The following BICD1 variants were observed in gnomAD, a reference collection of about 807,000 sequenced individuals.
BICD1 encodes the protein BICD cargo adaptor 1.
Under a neutral mutation model 92.5 loss-of-function variants are expected in BICD1, and 35 were observed. That is an observed-to-expected ratio of 0.38 (90% CI 0.29 to 0.50). BICD1 has a LOEUF of 0.50. Ranked by LOEUF, BICD1 falls within the 20% of genes least tolerant of loss-of-function variation. The pLI, the probability that BICD1 is intolerant of heterozygous loss-of-function variation, is 0.93. For synonymous variants in BICD1, 429 were observed against 465.1 expected, an observed-to-expected ratio of 0.92 and a Z score of 1.00; for missense variants, 950 against 1,189.8, an observed-to-expected ratio of 0.80 and a Z score of 2.97.
rs1940199255 is a variant in BICD1 at position 32,382,080 on chromosome 12, A to G, written c.*4453A>G. On this transcript the variant is annotated 3_prime_UTR_variant, in exon 10 of 10. Coordinates refer to ENST00000652176, the MANE Select transcript of BICD1 (RefSeq NM_001714.4). The stretch of plus-strand genomic sequence containing the variant: ...CGAGTGACATTTTCCATTGTCTGTA[A>G]TAATGCCCTCGGATGAGTTGTGTCT... The G allele has an allele frequency of 6.6e-6, 1 of 152,094 alleles. No homozygotes were observed. Among genetic ancestry groups the G allele is most frequent in the Non-Finnish European group, 1.5e-5 (1 of 67,966 alleles). 9.4% of individuals were successfully genotyped at this position (152,094 alleles called of 1,614,324 possible). A position where few individuals can be genotyped will look rare whatever the true frequency, so the allele number is the denominator to read the frequency against.
intron 1 of BICD1, among the ~76,000 whole-genome samples, chr12:32,155,054 G>A (rs1301980699): frequency 1.3e-5 from 2 of 151,100 alleles, no homozygotes; most frequent in African/African-American, 2.4e-5. Flanking sequence ...TCAGTAAGTT[G>A]TGGTTTTAAA....
intron 8 of BICD1, 26 bp from the exon 9 acceptor site, chr12:32,367,644 A>G: frequency 6.2e-7 from 1 of 1,606,630 alleles, no homozygotes; most frequent in Non-Finnish European, 8.5e-7. Flanking sequence ...CTTTGTACAC[A>G]TGTCTAATTT....
intron 1 of BICD1, among the ~76,000 whole-genome samples, chr12:32,174,877 A>G (rs1305735659): frequency 2.6e-5 from 4 of 152,240 alleles, no homozygotes; most frequent in Non-Finnish European, 4.4e-5. Flanking sequence ...CTGATTCACA[A>G]GCATGAAATG....
At chr12:32,257,607 A>G (rs1946755361) in intron 2 of BICD1, among the ~76,000 whole-genome samples, 1 of 152,196 alleles carries the variant, frequency 6.6e-6, no homozygotes, top group African/African-American at 2.4e-5. Context: ...AGATGTATAG[A>G]TCCTAAGATC....
At chr12:32,312,107 T>C (rs1023707470) in intron 4 of BICD1, among the ~76,000 whole-genome samples, 1 of 152,186 alleles carries the variant, frequency 6.6e-6, no homozygotes, top group Non-Finnish European at 1.5e-5. Flanking sequence ...GTTGAGTGAA[T>C]TGTTTTGCTT....
At chr12:32,165,335 G>A (rs1943723524) in intron 1 of BICD1, among the ~76,000 whole-genome samples, 1 of 152,136 alleles carries the variant, frequency 6.6e-6, no homozygotes, top group Non-Finnish European at 1.5e-5. Flanking sequence ...CTAACACGGT[G>A]AAACACCGTC....
rs1441113735 is a variant in BICD1 at position 32,292,925 on chromosome 12, T to TGG, written c.427-1069_427-1068insGG. 3.3e-5 allele frequency among the ~76,000 whole-genome samples: 5 copies of TGG among 152,226 alleles called. No individual in the cohort carries two copies. In the East Asian group the frequency reaches 9.6e-4, roughly 29 times the overall value. On this transcript the variant is annotated intron_variant, in intron 2 of 9. Transcript: ENST00000652176. ...ACTAAAACATAGCTTATACTTGCCA[T>TGG]ATAAGTTTATGGAAAAAGTTAAATA...
chr12:32,153,770 C>CATATAT (rs149226743), intron 1 of BICD1, among the ~76,000 whole-genome samples: 4 of 147,764 alleles, frequency 2.7e-5, no homozygotes, highest in African/African-American at 7.6e-5. Context: ...TGTGTGTGTA[C>CATATAT]ATATATATAT....
chr12:32,355,151 A>G (rs1464315901), intron 8 of BICD1, among the ~76,000 whole-genome samples: 1 of 152,230 alleles, frequency 6.6e-6, no homozygotes, highest in Non-Finnish European at 1.5e-5. Context: ...ACAGTTACCA[A>G]AGAAGAATAA....
chr12:32,287,735 C>T (rs1211949631), intron 2 of BICD1, among the ~76,000 whole-genome samples: 1 of 152,192 alleles, frequency 6.6e-6, no homozygotes, highest in African/African-American at 2.4e-5. Flanking sequence ...AACGAGGTTT[C>T]ACCGTGTTAG....
intron 2 of BICD1, among the ~76,000 whole-genome samples, chr12:32,273,410 G>C (rs552528937): frequency 1.3e-5 from 2 of 152,260 alleles, no homozygotes; most frequent in East Asian, 3.9e-4. Flanking sequence ...AGACACAGAG[G>C]GGGCTGAGAC....
intron 1 of BICD1, among the ~76,000 whole-genome samples, chr12:32,138,972 G>A (rs948785489): frequency 1.3e-5 from 2 of 152,124 alleles, no homozygotes; most frequent in Admixed American, 6.6e-5. Context: ...TTGTGATTTT[G>A]ATTAATTTAT....
intron 9 of BICD1, among the ~76,000 whole-genome samples, chr12:32,373,738 G>C (rs1939823549): frequency 6.6e-6 from 1 of 151,952 alleles, no homozygotes; most frequent in South Asian, 2.1e-4. Flanking sequence ...AAATTAGCCA[G>C]GTGTTGTGGC....
At chr12:32,226,876 C>T (rs17588963) in intron 2 of BICD1, among the ~76,000 whole-genome samples, 47,476 of 152,190 alleles carry the variant, frequency 0.31, 7,752 homozygotes, top group Non-Finnish European at 0.36. Flanking sequence ...TGGAGCTCTT[C>T]GCCAGTGTGC....
intron 4 of BICD1, among the ~76,000 whole-genome samples, chr12:32,311,734 T>C (rs574535951): frequency 6.6e-6 from 1 of 152,128 alleles, no homozygotes; most frequent in Non-Finnish European, 1.5e-5. Flanking sequence ...AGAGAGCAGG[T>C]TGTAAAATGT....
At chr12:32,138,483 G>T (rs1304167291) in intron 1 of BICD1, among the ~76,000 whole-genome samples, 1 of 152,104 alleles carries the variant, frequency 6.6e-6, no homozygotes, top group Non-Finnish European at 1.5e-5. Context: ...CTTAACGATG[G>T]TTCATCTTAA....
At chr12:32,309,665 T>G (rs750996905) in intron 4 of BICD1, among the ~76,000 whole-genome samples, 5 of 152,184 alleles carry the variant, frequency 3.3e-5, no homozygotes, top group Non-Finnish European at 7.3e-5. Context: ...GCTTTTTGGA[T>G]TTTGCAGTTG....
intron 8 of BICD1, among the ~76,000 whole-genome samples, chr12:32,363,687 G>C (rs1049833815): frequency 6.6e-5 from 10 of 152,158 alleles, no homozygotes; most frequent in Non-Finnish European, 1.0e-4. Flanking sequence ...TGTTTGATTA[G>C]TTAGATTCAG....
intron 8 of BICD1, among the ~76,000 whole-genome samples, chr12:32,363,096 A>T (rs988695469): frequency 6.6e-6 from 1 of 151,830 alleles, no homozygotes; most frequent in African/African-American, 2.4e-5. Context: ...TTCAGCAAAT[A>T]TTTTCCTCTC....
Sources: allele counts gnomAD v4.1 joint callset (sites outside exome capture counted in the v4.1 genomes callset), GRCh38; gene constraint gnomAD v4.1.1; transcripts MANE v1.5; gene names NCBI Gene and HGNC (gene_info 2026-07-23, HGNC 2026-07-21).